The following PCSK5 variants were observed in gnomAD, a reference collection of about 807,000 sequenced individuals.
PCSK5 encodes the protein prohormone convertase 5.
In PCSK5, 129 loss-of-function variants were observed where a neutral mutation model predicts 233.2. The ratio of observed to expected loss-of-function variants is 0.55; its 90% CI spans 0.48 to 0.64. The LOEUF (loss-of-function observed/expected upper bound fraction) is 0.64, where lower values mean the gene tolerates loss of function less well. Ranked by LOEUF, PCSK5 falls within the 30% of genes least tolerant of loss-of-function variation. The pLI, the probability that PCSK5 is intolerant of heterozygous loss-of-function variation, is 0.00. For missense variants in PCSK5, 2,076 were observed against 2,430.1 expected, an observed-to-expected ratio of 0.85 and a Z score of 3.06; for synonymous variants, 825 against 879.2, an observed-to-expected ratio of 0.94 and a Z score of 1.09.
chr9:75,933,497 G>A (rs80347227), intron 2 of PCSK5, among the ~76,000 whole-genome samples: 1,598 of 152,198 alleles, frequency 0.01, 27 homozygotes, highest in African/African-American at 0.035. Context: ...AGATATCCTC[G>A]AAAGTTATAT....
intron 1 of PCSK5, among the ~76,000 whole-genome samples, chr9:75,908,336 G>A (rs1017034088): frequency 5.9e-5 from 9 of 152,290 alleles, no homozygotes; most frequent in Non-Finnish European, 8.8e-5. Context: ...ATGAAGGAGC[G>A]ATGGAAAAGC....
intron 23 of PCSK5, among the ~76,000 whole-genome samples, chr9:76,239,510 A>G (rs1359907072): frequency 6.6e-6 from 1 of 152,034 alleles, no homozygotes; most frequent in African/African-American, 2.4e-5. Context: ...GCCTGGGGGA[A>G]CACGGTGAAA....
intron 3 of PCSK5, among the ~76,000 whole-genome samples, chr9:76,008,391 T>A (rs748154161): frequency 6.6e-6 from 1 of 152,154 alleles, no homozygotes; most frequent in Non-Finnish European, 1.5e-5. Context: ...ATTATCCTAT[T>A]GAAACCAGGA....
intron 1 of PCSK5, among the ~76,000 whole-genome samples, chr9:75,912,857 A>G (rs1001202802): frequency 2.0e-5 from 3 of 152,176 alleles, no homozygotes; most frequent in African/African-American, 7.2e-5. Flanking sequence ...CTCTTTTTGT[A>G]AATGACAAAG....
At chr9:76,221,161 C>G (rs770768128) in intron 20 of PCSK5, among the ~76,000 whole-genome samples, 14 of 152,186 alleles carry the variant, frequency 9.2e-5, no homozygotes, top group Non-Finnish European at 1.5e-4. Context: ...AGAATGATGG[C>G]CATTTTAACA....
intron 3 of PCSK5, among the ~76,000 whole-genome samples, chr9:76,018,070 C>T (rs1403662602): frequency 1.3e-5 from 2 of 148,942 alleles, no homozygotes; most frequent in African/African-American, 5.0e-5. Flanking sequence ...GAGAACGGAG[C>T]CTTCGGTAGT....
At chr9:76,211,498 C>T (rs1412154979) in intron 20 of PCSK5, among the ~76,000 whole-genome samples, 1 of 152,142 alleles carries the variant, frequency 6.6e-6, no homozygotes, top group East Asian at 1.9e-4. Flanking sequence ...GTCTGATAGT[C>T]AATTGAAGAA....
intron 12 of PCSK5, among the ~76,000 whole-genome samples, chr9:76,166,494 G>T (rs1257795606): frequency 6.6e-6 from 1 of 152,206 alleles, no homozygotes; most frequent in Non-Finnish European, 1.5e-5. Context: ...CGTAGGGTCT[G>T]CTAATCCAGC....
intron 1 of PCSK5, among the ~76,000 whole-genome samples, chr9:75,908,907 CTATCTATCTATCTATCTCTCTA>C (rs1822548372): frequency 7.6e-6 from 1 of 131,324 alleles, no homozygotes; most frequent in Non-Finnish European, 1.6e-5. Context: ...ATCTATCTAT[CTATCTATCTATCTATCTCTCTA>C]TCTCTCTCTC....
intron 9 of PCSK5, among the ~76,000 whole-genome samples, chr9:76,126,668 A>G (rs1198618399): frequency 1.3e-5 from 2 of 152,202 alleles, no homozygotes; most frequent in Non-Finnish European, 2.9e-5. Context: ...TGTTATCTTA[A>G]GTGAAACATG....
At chr9:76,013,609 C>G (rs1435644540) in intron 3 of PCSK5, among the ~76,000 whole-genome samples, 1 of 152,112 alleles carries the variant, frequency 6.6e-6, no homozygotes, top group African/African-American at 2.4e-5. Flanking sequence ...TTCTTTCCGT[C>G]TGTTAATTCG....
chr9:76,015,559 A>G lies in PCSK5; in HGVS notation c.412-8179A>G, dbSNP rs7036402. Among the ~76,000 whole-genome samples the G allele has an allele frequency of 6.8e-3, 1,029 of 152,362 alleles. 16 individuals carry two copies. The highest frequency in any genetic ancestry group is 0.022 in the African/African-American group (911 of 41,588). On this transcript the variant is annotated intron_variant, in intron 3 of 37. Transcript: ENST00000674117. ...TTCATTAGGCAGATAAAACACATAT[A>G]TAACCAAAGATGACCAATATGAAGA...
At chr9:76,054,826 G>A (rs923558369) in intron 5 of PCSK5, among the ~76,000 whole-genome samples, 2 of 152,112 alleles carry the variant, frequency 1.3e-5, no homozygotes, top group East Asian at 3.9e-4. Flanking sequence ...AGATTTCACT[G>A]GTTTTGACAT....
At chr9:76,203,590 A>G (rs985806438) in intron 20 of PCSK5, among the ~76,000 whole-genome samples, 2 of 151,988 alleles carry the variant, frequency 1.3e-5, no homozygotes, top group African/African-American at 2.4e-5. Flanking sequence ...GCCTCCAGAA[A>G]GAATGCAGCC....
intron 6 of PCSK5, among the ~76,000 whole-genome samples, chr9:76,070,172 T>C (rs540364483): frequency 5.3e-5 from 8 of 152,174 alleles, no homozygotes; most frequent in Non-Finnish European, 1.2e-4. Flanking sequence ...GGCTAATTTT[T>C]TGTATTTTTA....
intron 1 of PCSK5, among the ~76,000 whole-genome samples, chr9:75,920,754 C>T (rs915231456): frequency 3.3e-5 from 5 of 151,748 alleles, no homozygotes; most frequent in Admixed American, 6.6e-5. Flanking sequence ...TGCAGAGAGC[C>T]GAGATTGCAC....
At chr9:75,978,147 AATTTCCTATTTTTTCTTTTAAT>A (rs1293615862) in intron 2 of PCSK5, among the ~76,000 whole-genome samples, 1 of 152,108 alleles carries the variant, frequency 6.6e-6, no homozygotes, top group African/African-American at 2.4e-5. Flanking sequence ...TTCTATTTAA[AATTTCCTATTTTTTCTTTTAAT>A]AAGGAGAAAA....
At chr9:75,897,763 C>G (rs575708837) in intron 1 of PCSK5, among the ~76,000 whole-genome samples, 2 of 152,050 alleles carry the variant, frequency 1.3e-5, no homozygotes, top group African/African-American at 4.8e-5. Context: ...TAAGGGATTA[C>G]AGGTGTGAGC....
intron 30 of PCSK5, among the ~76,000 whole-genome samples, chr9:76,320,397 C>A (rs567686933): frequency 6.8e-6 from 1 of 148,020 alleles, no homozygotes; most frequent in Non-Finnish European, 1.5e-5. Flanking sequence ...GCCATGCACT[C>A]CAGCCTGGGT....
Sources: allele counts gnomAD v4.1 joint callset (sites outside exome capture counted in the v4.1 genomes callset), GRCh38; gene constraint gnomAD v4.1.1; transcripts MANE v1.5; gene names NCBI Gene and HGNC (gene_info 2026-07-23, HGNC 2026-07-21).